Variants in SORBS3 observed in about 807,000 individuals in gnomAD.
SORBS3 encodes sorbin and SH3 domain containing 3, also known as vinexin.
SORBS3 carries 69 observed loss-of-function variants against 98.0 expected under a neutral mutation model. The ratio of observed to expected loss-of-function variants is 0.70; its 90% CI spans 0.58 to 0.86. The LOEUF (loss-of-function observed/expected upper bound fraction) is 0.86, where lower values mean the gene tolerates loss of function less well. SORBS3 is among the 40% of genes least tolerant of loss of function. The pLI, the probability that SORBS3 is intolerant of heterozygous loss-of-function variation, is 0.00. For missense variants in SORBS3, 954 were observed against 908.5 expected (o/e 1.05, Z -0.64); for synonymous variants, 394 against 355.4 (o/e 1.11, Z -1.22).
intron 6 of SORBS3, 163 bp downstream of exon 6, chr8:22,561,536 G>A (rs1319514728): frequency 2.7e-6 from 2 of 728,710 alleles, no homozygotes; most frequent in Non-Finnish European, 4.7e-6. Flanking sequence ...CAAATCCCCC[G>A]GTAGGTGGTA....
intron 10 of SORBS3, chr8:22,564,832 G>C (rs1211923276): frequency 1.5e-6 from 2 of 1,307,976 alleles, no homozygotes; most frequent in South Asian, 1.7e-5. Context: ...GGCCTGATTC[G>C]GCGAAGACCC....
chr8:22,551,725 G>C, upstream of SORBS3: 2 of 984,772 alleles, frequency 2.0e-6, no homozygotes, highest in Non-Finnish European at 2.4e-6. The surrounding 1 kb of genome is among the most constrained non-coding windows in gnomAD (Gnocchi z 5.8). Context: ...GAGAGCACTC[G>C]CACGTCCCTC....
At position 22,554,942 on chromosome 8, in the gene SORBS3, G is replaced by C. The variant is rs1300574311; in HGVS notation, c.182G>C (p.Gly61Ala). The change falls in exon 3 of 21, where the codon GGG becomes GCG. Residue 61 changes from glycine (G) to alanine (A), a missense_variant. Transcript: ENST00000240123. This position sits in a 1 kb window ranked among gnomAD's most constrained non-coding sequence, Gnocchi z 6.5. ...CCCGCGCCCAGGACTGTGTGCAATGGGGGCTACACACCAAGACGAGATGCT... is the reference window on the plus strand; with the variant it reads ...CCCGCGCCCAGGACTGTGTGCAATGCGGGCTACACACCAAGACGAGATGCT... Reference protein sequence around the residue: ...HDPAPRTVCNGGYTPRRDASQ... With the variant: ...HDPAPRTVCNAGYTPRRDASQ... The C allele has an allele frequency of 6.2e-7, 1 of 1,613,634 alleles. No homozygotes were observed. Among genetic ancestry groups the C allele is most frequent in the East Asian group, 2.2e-5 (1 of 44,880 alleles).
chr8:22,552,729 C>G (rs1270152274), intron 1 of SORBS3, among the ~76,000 whole-genome samples: 1 of 152,176 alleles, frequency 6.6e-6, no homozygotes, highest in East Asian at 1.9e-4. Context: ...GCAATTTGGC[C>G]CGAAGCAGTC....
chr8:22,567,276 G>A lies in SORBS3; in HGVS notation c.1305+101G>A, dbSNP rs73548002. ...TGGGTTTCCTAAAGCAAAAAACTGT[G>A]AGGGGCTGGGGCGTGTCTCGGAACT... On this transcript the variant is annotated intron_variant, in intron 16 of 20. Coordinates refer to ENST00000240123, the MANE Select transcript of SORBS3 (RefSeq NM_005775.5). The A allele has an allele frequency of 4.6e-3, 3,676 of 802,886 alleles. 92 individuals are homozygous for A. In the African/African-American group the frequency reaches 0.054, roughly 12 times the overall value. 49.7% of individuals were successfully genotyped at this position (802,886 alleles called of 1,614,324 possible).
Position 22,554,453 on chromosome 8 carries a change from G to A in SORBS3, c.-54G>A. 1.6e-5 allele frequency: 26 copies of A among 1,586,164 alleles called. No individual in the cohort carries two copies. The highest frequency in any genetic ancestry group is 2.2e-5 in the Non-Finnish European group (26 of 1,171,072). On this transcript the variant is annotated splice_region_variant and 5_prime_UTR_variant, in exon 2 of 21. Coordinates refer to ENST00000240123, the MANE Select transcript of SORBS3 (RefSeq NM_005775.5). The surrounding 1 kb of genome is among the most constrained non-coding windows in gnomAD (Gnocchi z 6.5). Reference sequence around the variant, plus strand: ...CCCTTCCTTCCTCCTTCCCCACAGAGGACACGCAGAGGAGCAGCTGGCTTG... The same window carrying A: ...CCCTTCCTTCCTCCTTCCCCACAGAAGACACGCAGAGGAGCAGCTGGCTTG...
chr8:22,554,443 T>C lies in SORBS3; in HGVS notation c.-55-9T>C, dbSNP rs1447102604. The C allele has an allele frequency of 6.4e-7, 1 of 1,571,624 alleles. No homozygotes were observed. Among genetic ancestry groups the C allele is most frequent in the East Asian group, 2.2e-5 (1 of 44,672 alleles). The stretch of plus-strand genomic sequence containing the variant: ...GCAGGGCTTTCCCTTCCTTCCTCCT[T>C]CCCCACAGAGGACACGCAGAGGAGC... On this transcript the variant is annotated splice_polypyrimidine_tract_variant and intron_variant, in intron 1 of 20. Transcript: ENST00000240123. The surrounding 1 kb of genome is among the most constrained non-coding windows in gnomAD (Gnocchi z 6.5).
At position 22,561,877 on chromosome 8, in the gene SORBS3, TAGG is replaced by T. The variant is rs764387651; in HGVS notation, c.533_535del (p.Gly178del). ...ACCTCCTCTGCAGACCCCAGGCATC[TAGG>T]AGCCCAGCAAAGACCTGCCCACAGG... On this transcript the variant is annotated inframe_deletion, in exon 7 of 21. Transcript: ENST00000240123. The T allele has an allele frequency of 1.9e-6, 3 of 1,614,126 alleles. 1 individual carries two copies. The South Asian group carries it at 3.3e-5, about 18-fold the overall frequency.
intron 16 of SORBS3, 57 bp downstream of exon 16, chr8:22,567,232 A>G: frequency 7.9e-7 from 1 of 1,273,102 alleles, no homozygotes; most frequent in Non-Finnish European, 1.1e-6. Context: ...AGGGGTTGGG[A>G]GAGACTTAGT....
chr8:22,553,051 G>A (rs534355521), intron 1 of SORBS3, among the ~76,000 whole-genome samples: 2 of 151,974 alleles, frequency 1.3e-5, no homozygotes, highest in Non-Finnish European at 2.9e-5. Context: ...CTACACCCTC[G>A]CTAGCCCTGG....
upstream of SORBS3, chr8:22,550,155 G>A: frequency 3.1e-6 from 1 of 325,048 alleles, no homozygotes; most frequent in Non-Finnish European, 4.4e-6. Context: ...CTAAGCTTCA[G>A]GTTGGGGGGC....
Position 22,554,399 on chromosome 8 carries a change from G to A in SORBS3, c.-55-53G>A, listed in dbSNP as rs1042132228. 2.7e-6 allele frequency: 4 copies of A among 1,499,566 alleles called. No individual in the cohort carries two copies. The highest frequency in any genetic ancestry group is 3.5e-6 in the Non-Finnish European group (4 of 1,130,546). The allele number at this position is 1,499,566 out of a possible 1,614,324, so 92.9% of individuals were successfully genotyped here. A position where few individuals can be genotyped will look rare whatever the true frequency, so the allele number is the denominator to read the frequency against. On this transcript the variant is annotated intron_variant, in intron 1 of 20. Coordinates refer to ENST00000240123, the MANE Select transcript of SORBS3 (RefSeq NM_005775.5). This position sits in a 1 kb window ranked among gnomAD's most constrained non-coding sequence, Gnocchi z 6.5. ...CCTATCCCAGGGTCGAGCCAAGAGG[G>A]CATGGGCAGCCTAGCCTAGCAGGGC...
chr8:22,556,666 G>C, intron 3 of SORBS3, 49 bp from the exon 4 acceptor site: 2 of 1,556,750 alleles, frequency 1.3e-6, no homozygotes, highest in Non-Finnish European at 1.8e-6. Context: ...CACAGGTTCA[G>C]GTGGAGACCC....
At chr8:22,558,469 C>A (rs1348827306) in intron 5 of SORBS3, among the ~76,000 whole-genome samples, 1 of 152,232 alleles carries the variant, frequency 6.6e-6, no homozygotes, top group Non-Finnish European at 1.5e-5. Flanking sequence ...AAGTCCCTCT[C>A]TGATTTCCCT....
At chr8:22,560,844 TGTG>T (rs1840277266) in intron 5 of SORBS3, 1 of 116,000 alleles carries the variant, frequency 8.6e-6, no homozygotes, top group African/African-American at 3.5e-5. Flanking sequence ...TGTGTGTGTG[TGTG>T]TGTGTGTGTG....
chr8:22,554,778 C>T lies in SORBS3; in HGVS notation c.103-85C>T, dbSNP rs537660593. The T allele has an allele frequency of 3.4e-5, 49 of 1,435,830 alleles. No individual in the cohort carries two copies. In the African/African-American group the frequency reaches 5.6e-4, roughly 16 times the overall value. The allele number at this position is 1,435,830 out of a possible 1,614,324, so 88.9% of individuals were successfully genotyped here. On this transcript the variant is annotated intron_variant, in intron 2 of 20. Transcript: ENST00000240123. The surrounding 1 kb of genome is among the most constrained non-coding windows in gnomAD (Gnocchi z 6.5). ...CGTCAGGCGGGCCTGGGACTGTCAC[C>T]GAGGGGTGTGGGCTGTGCCTAGTAG...
chr8:22,557,480 T>C (rs1007546615), intron 4 of SORBS3, among the ~76,000 whole-genome samples: 2 of 152,118 alleles, frequency 1.3e-5, no homozygotes, highest in African/African-American at 4.8e-5. Flanking sequence ...AAGCAGGTGA[T>C]GTGAAACACG....
At chr8:22,571,277 A>C in intron 18 of SORBS3, 56 bp downstream of exon 18, 15 of 977,032 alleles carry the variant, frequency 1.5e-5, no homozygotes, top group South Asian at 3.3e-5. Context: ...CTCATCCCCC[A>C]CCCCCGTGAC....
chr8:22,568,906 G>T (rs1397749554), intron 16 of SORBS3, among the ~76,000 whole-genome samples: 2 of 152,190 alleles, frequency 1.3e-5, no homozygotes, highest in Non-Finnish European at 2.9e-5. Context: ...CTTCAGTAAT[G>T]CCCACTCCAT....
Sources: gnomAD v4.1 joint callset for allele counts (sites outside exome capture counted in the v4.1 genomes callset) on GRCh38, gnomAD v4.1.1 for gene constraint, Gnocchi (gnomAD v3.1) non-coding constraint, MANE v1.5 for transcripts, NCBI Gene and HGNC (gene_info 2026-07-23, HGNC 2026-07-21) for gene names.